SLC26A7: variants seen among roughly 807,000 people sequenced by gnomAD.
The protein encoded by SLC26A7 is anion exchange transporter.
A neutral mutation model predicts 82.5 loss-of-function variants in SLC26A7; 59 were observed. The observed-to-expected ratio is 0.72, with a 90% CI of 0.58 to 0.89. The LOEUF is 0.89. Among genes scored for constraint, SLC26A7 ranks in the 40% least tolerant of loss-of-function variants. The pLI, the probability that SLC26A7 is intolerant of heterozygous loss-of-function variation, is 0.00. For missense variants in SLC26A7, 820 were observed against 793.0 expected (o/e 1.03, Z -0.41); for synonymous variants, 271 against 274.3 (o/e 0.99, Z 0.12).
In SLC26A7 at chr8:91,334,382, G is replaced by T. The variant is rs1336497978; in HGVS notation, c.730G>T (p.Val244Phe). The T allele has an allele frequency of 6.2e-7, 1 of 1,613,334 alleles. No individual in the cohort carries two copies. The highest frequency in any genetic ancestry group is 1.7e-5 in the Admixed American group (1 of 59,964). The part of the protein sequence containing the change: ...SLLSIVVLVL[V>F]KELNEQFKRK... Reference sequence around the variant, plus strand: ...GCTGAGCATTGTGGTCCTTGTTCTTGTTAAAGAGCTGAATGAACAGTTTAA... The same window carrying T: ...GCTGAGCATTGTGGTCCTTGTTCTTTTTAAAGAGCTGAATGAACAGTTTAA... Residue 244 changes from valine (V) to phenylalanine (F), a missense_variant, in exon 6 of 19, where the codon GTT becomes TTT. By Grantham distance (50) the Val-to-Phe change is conservative. Coordinates refer to ENST00000276609, the MANE Select transcript of SLC26A7 (RefSeq NM_052832.4).
Position 91,214,806 on chromosome 8 carries a change from A to AT in SLC26A7, c.-149-4068dup, listed in dbSNP as rs766125366. ...CCCAAAGCTTGGTGACTTGACAGAA[A>AT]TTTTTTTTTTTTTTTTACAGTCAAG... On this transcript the variant is annotated intron_variant, in intron 1 of 5. Transcript: ENST00000522862. Among the ~76,000 whole-genome samples, 508 of 144,752 alleles carry AT rather than the reference A, an allele frequency of 3.5e-3. 1 individual carries two copies. The highest frequency in any genetic ancestry group is 0.011 in the Middle Eastern group (3 of 276). 95.0% of individuals were successfully genotyped at this position (144,752 alleles called of 152,430 possible). A position where few individuals can be genotyped will look rare whatever the true frequency, so the allele number is the denominator to read the frequency against.
Position 91,392,650 on chromosome 8 carries a change from T to G in SLC26A7, c.1777-1147T>G, listed in dbSNP as rs1808435785. On this transcript the variant is annotated intron_variant, in intron 16 of 18. Coordinates refer to ENST00000276609, the MANE Select transcript of SLC26A7 (RefSeq NM_052832.4). The stretch of plus-strand genomic sequence containing the variant: ...CTTCATGCTTTCTAACAACACTCCT[T>G]GCATTGTTTTCTTAGTTGCTTTAGC... 2.6e-5 allele frequency among the ~76,000 whole-genome samples: 4 copies of G among 152,202 alleles called. No individual in the cohort carries two copies. In the South Asian group the frequency reaches 8.3e-4, roughly 31 times the overall value.
intron 2 of SLC26A7, among the ~76,000 whole-genome samples, chr8:91,252,890 A>G (rs1201691159): frequency 6.6e-6 from 1 of 152,102 alleles, no homozygotes; most frequent in Non-Finnish European, 1.5e-5. Context: ...GGCAGGTATT[A>G]ATGCCCAAGG....
rs780817853 is a variant in SLC26A7, at chr8:91,289,150, G to A, written c.208G>A (p.Val70Ile). 3.1e-6 allele frequency: 5 copies of A among 1,613,580 alleles called. No homozygotes were observed. The highest frequency in any genetic ancestry group is 1.7e-5 in the Admixed American group (1 of 59,996). ...CTTCTTCACAGGATTGGCCTTTGCT[G>A]TTCTCTCATCTGTGCACCCAGTGTT... ...QQVTQGLAFA[V>I]LSSVHPVFGL... The change falls in exon 3 of 19, where the codon GTT becomes ATT. Residue 70 changes from valine to isoleucine, a missense_variant. Coordinates refer to ENST00000276609, the MANE Select transcript of SLC26A7 (RefSeq NM_052832.4).
chr8:91,373,418 G>T (rs572692765), intron 15 of SLC26A7, among the ~76,000 whole-genome samples: 5 of 151,636 alleles, frequency 3.3e-5, no homozygotes, highest in Non-Finnish European at 7.4e-5. Flanking sequence ...ATTTGTTGAG[G>T]GTTTGTGTCG....
intron 14 of SLC26A7, 74 bp from the exon 15 acceptor site, chr8:91,369,711 G>T (rs1187936099): frequency 2.7e-5 from 30 of 1,118,966 alleles, no homozygotes; most frequent in Non-Finnish European, 3.7e-5. Context: ...ATAAGTAAAA[G>T]AATTATGTGA....
intron 15 of SLC26A7, among the ~76,000 whole-genome samples, chr8:91,383,965 C>G (rs533962946): frequency 5.3e-5 from 8 of 152,294 alleles, no homozygotes; most frequent in African/African-American, 1.4e-4. Context: ...GACATGAATT[C>G]TGCCATCATA....
chr8:91,261,375 A>G (rs987765030), intron 2 of SLC26A7, among the ~76,000 whole-genome samples: 7 of 152,224 alleles, frequency 4.6e-5, no homozygotes, highest in African/African-American at 1.7e-4. Context: ...CCTTGAATAT[A>G]TCATTCTGGT....
At chr8:91,332,596 T>C (rs1020669452) in intron 5 of SLC26A7, among the ~76,000 whole-genome samples, 6 of 150,316 alleles carry the variant, frequency 4.0e-5, no homozygotes, top group African/African-American at 7.3e-5. Flanking sequence ...GGTGCAATCA[T>C]AGCTCACTGT....
At chr8:91,292,116 T>C (rs980343646) in intron 3 of SLC26A7, among the ~76,000 whole-genome samples, 2 of 151,998 alleles carry the variant, frequency 1.3e-5, no homozygotes, top group African/African-American at 2.4e-5. Flanking sequence ...TCATCCTGGC[T>C]AACACGGTGA....
intron 2 of SLC26A7, among the ~76,000 whole-genome samples, chr8:91,259,538 G>T (rs916590534): frequency 1.3e-5 from 2 of 152,092 alleles, no homozygotes; most frequent in African/African-American, 4.8e-5. Flanking sequence ...AGACTTCTGA[G>T]AATGCTTTTC....
Position 91,366,560 on chromosome 8 carries a change from CTG to C in SLC26A7, c.1489-18_1489-17del. On this transcript the variant is annotated intron_variant, in intron 13 of 18. Coordinates refer to ENST00000276609, the MANE Select transcript of SLC26A7 (RefSeq NM_052832.4). ...TAATTTTCTATTTAGAGTTCTGAAT[CTG>C]TTTTTCTCCTCCAAAAGGAAACCCT... 1.2e-6 allele frequency: 2 copies of C among 1,606,594 alleles called. No individual in the cohort carries two copies. Among genetic ancestry groups the C allele is most frequent in the South Asian group, 1.1e-5 (1 of 89,546 alleles).
intron 1 of SLC26A7, among the ~76,000 whole-genome samples, chr8:91,213,430 C>T (rs1382149330): frequency 6.6e-6 from 1 of 152,102 alleles, no homozygotes; most frequent in Non-Finnish European, 1.5e-5. Context: ...AACTTCAGAG[C>T]AGTACTCATG....
At chr8:91,304,628 T>G (rs1812253864) in intron 4 of SLC26A7, among the ~76,000 whole-genome samples, 1 of 152,214 alleles carries the variant, frequency 6.6e-6, no homozygotes, top group Admixed American at 6.5e-5. Flanking sequence ...TAATTAGGAA[T>G]TAACACAGTA....
At chr8:91,288,938 A>G (rs1224208128) in intron 2 of SLC26A7, among the ~76,000 whole-genome samples, 198 bp from the exon 3 acceptor site, 2 of 152,332 alleles carry the variant, frequency 1.3e-5, no homozygotes, top group South Asian at 2.1e-4. Flanking sequence ...GTCCAAAAAT[A>G]ATGGTTTTTG....
chr8:91,327,773 CTTAT>C (rs1273508291), intron 5 of SLC26A7, among the ~76,000 whole-genome samples: 2 of 152,078 alleles, frequency 1.3e-5, no homozygotes, highest in Admixed American at 6.6e-5. Flanking sequence ...CAAACACTAA[CTTAT>C]TTATCACAGA....
At chr8:91,390,136 A>C (rs1586483376) in intron 16 of SLC26A7, among the ~76,000 whole-genome samples, 1 of 137,728 alleles carries the variant, frequency 7.3e-6, no homozygotes, top group Non-Finnish European at 1.5e-5. Context: ...TCTGAGACGG[A>C]GTCTCGCTCT....
chr8:91,383,910 C>G (rs1055276781), intron 15 of SLC26A7, among the ~76,000 whole-genome samples: 1 of 152,152 alleles, frequency 6.6e-6, no homozygotes, highest in Non-Finnish European at 1.5e-5. Context: ...CTAATAAATC[C>G]TGGGCACAAC....
intron 5 of SLC26A7, among the ~76,000 whole-genome samples, chr8:91,322,031 TA>T (rs1490305370): frequency 6.6e-6 from 1 of 152,164 alleles, no homozygotes; most frequent in African/African-American, 2.4e-5. Context: ...TAGTTCAATG[TA>T]AAAAATTATG....
Sources: gnomAD v4.1 joint callset for allele counts (sites outside exome capture counted in the v4.1 genomes callset) on GRCh38, gnomAD v4.1.1 for gene constraint, MANE v1.5 for transcripts, NCBI Gene and HGNC (gene_info 2026-07-23, HGNC 2026-07-21) for gene names.